WASF2: variants seen among roughly 807,000 people sequenced by gnomAD.
The protein encoded by WASF2 is actin-binding protein WASF2.
A neutral mutation model predicts 45.0 loss-of-function variants in WASF2; 14 were observed. The ratio of observed to expected loss-of-function variants is 0.31; its 90% CI spans 0.21 to 0.49. The LOEUF is 0.49. Ranked by LOEUF, WASF2 falls within the 20% of genes least tolerant of loss-of-function variation. The probability of loss-of-function intolerance (pLI) is 0.99; values close to 1 mark genes in which losing one functional copy is unlikely to be tolerated. For missense variants in WASF2, 439 were observed against 636.1 expected (o/e 0.69, Z 3.33); for synonymous variants, 200 against 236.3 (o/e 0.85, Z 1.41).
chr1:27,418,634 TTTACTATG>T (rs2016859308), intron 3 of WASF2, among the ~76,000 whole-genome samples: 1 of 151,944 alleles, frequency 6.6e-6, no homozygotes, highest in African/African-American at 2.4e-5. Context: ...AACACAAAGG[TTTACTATG>T]TGGCCAGATC....
chr1:27,485,920 C>G (rs1056759741), intron 1 of WASF2, among the ~76,000 whole-genome samples: 1 of 152,170 alleles, frequency 6.6e-6, no homozygotes, highest in Non-Finnish European at 1.5e-5. Flanking sequence ...CCATGTTGGT[C>G]AGGCTGGTCT....
At position 27,414,195 on chromosome 1, in the gene WASF2, C is replaced by G. The variant is rs2016799059; in HGVS notation, c.668+638G>C. 2.0e-5 allele frequency among the ~76,000 whole-genome samples: 3 copies of G among 152,172 alleles called. No individual in the cohort carries two copies. The highest frequency in any genetic ancestry group is 4.4e-5 in the Non-Finnish European group (3 of 68,014). On this transcript the variant is annotated intron_variant, in intron 6 of 8. Coordinates refer to ENST00000618852, the MANE Select transcript of WASF2 (RefSeq NM_006990.5). The surrounding 1 kb of genome is among the most constrained non-coding windows in gnomAD (Gnocchi z 4.1). The stretch of plus-strand genomic sequence containing the variant: ...TCAGACACCAGGATAAGCATCAAAC[C>G]AAGCTTTAAAACCATCTTTTTCCCC...
chr1:27,434,444 C>A (rs2148114975), intron 1 of WASF2, among the ~76,000 whole-genome samples: 1 of 152,292 alleles, frequency 6.6e-6, no homozygotes, highest in Non-Finnish European at 1.5e-5. Context: ...CCTCACTCAG[C>A]CAACATCCAC....
In WASF2 at chr1:27,410,064, G is replaced by A. The variant is rs760687040; in HGVS notation, c.967C>T (p.Pro323Ser). 3 of 1,613,302 alleles carry A rather than the reference G, an allele frequency of 1.9e-6. No individual in the cohort carries two copies. The highest frequency in any genetic ancestry group is 1.7e-5 in the Admixed American group (1 of 59,956). The change falls in exon 8 of 9, where the codon CCG becomes TCG. Residue 323 changes from proline (P) to serine (S), a missense_variant. Around this residue, in one of 5 missense-constraint regions of WASF2, gnomAD observed 286 missense variants for 373.5 expected, o/e 0.77. Coordinates refer to ENST00000618852, the MANE Select transcript of WASF2 (RefSeq NM_006990.5). This position sits in a 1 kb window ranked among gnomAD's most constrained non-coding sequence, Gnocchi z 4.2. ...CCTATCATTGGAGGCGGAGGTGGCG[G>A]AGGGGCAGGTGGTGGAGCAAACCCG... ...KPGFAPPPAP[P>S]PPPPPMIGIP... is the part of the protein sequence containing the mutation.
chr1:27,429,606 T>C (rs959688311), intron 1 of WASF2, among the ~76,000 whole-genome samples: 1 of 152,054 alleles, frequency 6.6e-6, no homozygotes, highest in Non-Finnish European at 1.5e-5. Context: ...TGAAACCCTG[T>C]CTTTAGTAAA....
intron 1 of WASF2, among the ~76,000 whole-genome samples, chr1:27,477,927 A>AAT (rs1557622583): frequency 1.3e-5 from 2 of 149,582 alleles, no homozygotes; most frequent in African/African-American, 5.0e-5. Flanking sequence ...AATAAAAAAA[A>AAT]AAATAAAAAT....
At position 27,404,556 on chromosome 1, in the gene WASF2, A is replaced by G. The variant is rs987952589; in HGVS notation, c.*3633T>C. Reference sequence around the variant, plus strand: ...CCTGTTTTCAAACGGCATCCCTACTACACATATACCCCCCTTCCCTAAAAT... The same window carrying G: ...CCTGTTTTCAAACGGCATCCCTACTGCACATATACCCCCCTTCCCTAAAAT... On this transcript the variant is annotated 3_prime_UTR_variant, in exon 9 of 9. Coordinates refer to ENST00000618852, the MANE Select transcript of WASF2 (RefSeq NM_006990.5). 2 of 152,108 alleles carry G rather than the reference A, an allele frequency of 1.3e-5. No individual in the cohort carries two copies. Among genetic ancestry groups the G allele is most frequent in the Non-Finnish European group, 2.9e-5 (2 of 68,028 alleles). The allele number at this position is 152,108 out of a possible 1,614,324, so 9.4% of individuals were successfully genotyped here. A position where few individuals can be genotyped will look rare whatever the true frequency, so the allele number is the denominator to read the frequency against.
intron 1 of WASF2, among the ~76,000 whole-genome samples, chr1:27,446,266 C>T (rs2017308897): frequency 6.6e-6 from 1 of 152,014 alleles, no homozygotes; most frequent in Non-Finnish European, 1.5e-5. Context: ...TAAAGCTGTT[C>T]TTTATGGATC....
At chr1:27,446,781 C>A (rs1462149578) in intron 1 of WASF2, among the ~76,000 whole-genome samples, 37 of 121,450 alleles carry the variant, frequency 3.0e-4, no homozygotes, top group Middle Eastern at 4.1e-3. Flanking sequence ...AGCCTGTCTC[C>A]AAAAAAAAAA....
intron 1 of WASF2, among the ~76,000 whole-genome samples, chr1:27,477,760 G>A (rs1287635936): frequency 7.8e-6 from 1 of 128,598 alleles, no homozygotes; most frequent in Non-Finnish European, 1.6e-5. Context: ...TTAGCCGGGC[G>A]TAGTGGCGGG....
intron 1 of WASF2, among the ~76,000 whole-genome samples, chr1:27,452,695 G>A (rs1333768253): frequency 6.6e-6 from 1 of 151,122 alleles, no homozygotes; most frequent in Non-Finnish European, 1.5e-5. Context: ...TCACACACCT[G>A]TAGTCTCAGC....
At chr1:27,471,909 A>T (rs1384948477) in intron 1 of WASF2, among the ~76,000 whole-genome samples, 2 of 152,190 alleles carry the variant, frequency 1.3e-5, no homozygotes, top group Non-Finnish European at 2.9e-5. Context: ...CCATCTCTTT[A>T]GCGACCTACC....
At chr1:27,426,420 G>GT in intron 2 of WASF2, among the ~76,000 whole-genome samples, 1 of 152,144 alleles carries the variant, frequency 6.6e-6, no homozygotes, top group East Asian at 1.9e-4. Flanking sequence ...GAGACAGCGA[G>GT]TAAGGGACAG....
intron 1 of WASF2, among the ~76,000 whole-genome samples, chr1:27,479,404 A>G (rs1304497623): frequency 6.6e-6 from 1 of 152,196 alleles, no homozygotes; most frequent in African/African-American, 2.4e-5. Context: ...CCTTAGCAAC[A>G]TACCCACACC....
chr1:27,430,785 A>G lies in WASF2; in HGVS notation c.-43-1852T>C, dbSNP rs576437092. ...TCCGAATAGCTGGGCCAAGTCCCCAATATTATAAACTCCTCTTTATATATT... is the reference window on the plus strand; with the variant it reads ...TCCGAATAGCTGGGCCAAGTCCCCAGTATTATAAACTCCTCTTTATATATT... On this transcript the variant is annotated intron_variant, in intron 1 of 8. Transcript: ENST00000618852. Among the ~76,000 whole-genome samples, 34 of 152,070 alleles carry G rather than the reference A, an allele frequency of 2.2e-4. 1 individual carries two copies. The South Asian group carries it at 6.6e-3, about 30-fold the overall frequency.
chr1:27,424,604 C>T (rs2148109279), intron 2 of WASF2, among the ~76,000 whole-genome samples: 1 of 151,966 alleles, frequency 6.6e-6, no homozygotes, highest in Non-Finnish European at 1.5e-5. Flanking sequence ...ACCTTCTGGG[C>T]TCAAGTGATC....
intron 1 of WASF2, among the ~76,000 whole-genome samples, chr1:27,464,563 G>A (rs552196416): frequency 6.6e-6 from 1 of 152,094 alleles, no homozygotes; most frequent in African/African-American, 2.4e-5. Context: ...ATGACACTTT[G>A]GGCCACAGAG....
intron 2 of WASF2, among the ~76,000 whole-genome samples, chr1:27,421,984 TAAAAG>T (rs2016913940): frequency 1.5e-5 from 2 of 134,850 alleles, no homozygotes; most frequent in African/African-American, 2.8e-5. Context: ...TAAAATGAAA[TAAAAG>T]AAAAGAAAAA....
At chr1:27,471,704 T>A (rs1363285427) in intron 1 of WASF2, among the ~76,000 whole-genome samples, 1 of 151,986 alleles carries the variant, frequency 6.6e-6, no homozygotes, top group Non-Finnish European at 1.5e-5. Context: ...CTGAGACAAC[T>A]TAGGGACTGA....
Sources: gnomAD v4.1 joint callset for allele counts (sites outside exome capture counted in the v4.1 genomes callset) on GRCh38, gnomAD v4.1.1 for gene constraint, gnomAD v4.1.1 regional missense constraint, Gnocchi (gnomAD v3.1) non-coding constraint, MANE v1.5 for transcripts, NCBI Gene and HGNC (gene_info 2026-07-23, HGNC 2026-07-21) for gene names.